The following CADM2 variants were observed in gnomAD, a reference collection of about 807,000 sequenced individuals.
CADM2 encodes the protein cell adhesion molecule 2.
In CADM2, 12 loss-of-function variants were observed where a neutral mutation model predicts 49.8. That is an observed-to-expected ratio of 0.24 (90% CI 0.15 to 0.39). The LOEUF is 0.39. Ranked by LOEUF, CADM2 falls within the 10% of genes least tolerant of loss-of-function variation. CADM2 has a pLI of 1.00. For synonymous variants in CADM2, 214 were observed against 175.4 expected (o/e 1.22, Z -1.74); for missense variants, 378 against 492.3 (o/e 0.77, Z 2.20).
At chr3:86,042,421 C>A (rs985111114) in intron 8 of CADM2, among the ~76,000 whole-genome samples, 3 of 152,152 alleles carry the variant, frequency 2.0e-5, no homozygotes, top group African/African-American at 7.2e-5. Context: ...CACAGAAATA[C>A]AAACTACCAT....
chr3:85,448,431 G>T (rs948430156), intron 1 of CADM2, among the ~76,000 whole-genome samples: 2 of 151,182 alleles, frequency 1.3e-5, no homozygotes. Flanking sequence ...TATTTAAATC[G>T]TTGTTCTGCA....
chr3:85,239,883 T>G (rs527861192), intron 1 of CADM2, among the ~76,000 whole-genome samples: 1 of 151,558 alleles, frequency 6.6e-6, no homozygotes, highest in South Asian at 2.1e-4. Flanking sequence ...ACACTGAAAT[T>G]TATGAGCTGG....
intron 1 of CADM2, among the ~76,000 whole-genome samples, chr3:85,436,727 A>C (rs1175631757): frequency 6.6e-6 from 1 of 152,204 alleles, no homozygotes; most frequent in Non-Finnish European, 1.5e-5. Flanking sequence ...TTATAGCAAA[A>C]ATAAGCAGAA....
intron 1 of CADM2, among the ~76,000 whole-genome samples, chr3:85,672,866 G>A (rs2107637871): frequency 6.6e-6 from 1 of 152,266 alleles, no homozygotes; most frequent in Admixed American, 6.5e-5. Context: ...CATCTAAATT[G>A]AATCTGATTT....
At chr3:85,461,350 A>T (rs1251807591) in intron 1 of CADM2, among the ~76,000 whole-genome samples, 1 of 152,134 alleles carries the variant, frequency 6.6e-6, no homozygotes, top group African/African-American at 2.4e-5. Flanking sequence ...TTAGGAGGAG[A>T]GGTAGTGAGG....
At chr3:85,966,673 A>G (rs1725516428) in intron 8 of CADM2, among the ~76,000 whole-genome samples, 1 of 151,658 alleles carries the variant, frequency 6.6e-6, no homozygotes, top group Non-Finnish European at 1.5e-5. Flanking sequence ...CTATATAGTA[A>G]GTTAGAATCA....
chr3:86,010,672 A>G (rs1478294376), intron 8 of CADM2, among the ~76,000 whole-genome samples: 1 of 151,384 alleles, frequency 6.6e-6, no homozygotes. Flanking sequence ...AAGAAAAAAT[A>G]ATGAAAAATT....
In CADM2 at chr3:85,769,229, CACATATACACATATATACATATATA is replaced by C. The variant is rs1208017367; in HGVS notation, c.89-32817_89-32793del. ...TATATACATATATAGTATATATACA[CACATATACACATATATACATATATA>C]GTATATATACACATATATACATATA... On this transcript the variant is annotated intron_variant, in intron 2 of 9. Coordinates refer to ENST00000383699, the MANE Select transcript of CADM2 (RefSeq NM_001167675.2). Among the ~76,000 whole-genome samples, 39 of 113,466 alleles carry C rather than the reference CACATATACACATATATACATATATA, an allele frequency of 3.4e-4. 2 individuals are homozygous for C. The highest frequency in any genetic ancestry group is 1.5e-3 in the African/African-American group (36 of 24,458). The allele number at this position is 113,466 out of a possible 152,430, so 74.4% of individuals were successfully genotyped here.
At chr3:85,885,833 C>A (rs1234149230) in intron 4 of CADM2, among the ~76,000 whole-genome samples, 3 of 110,470 alleles carry the variant, frequency 2.7e-5, no homozygotes, top group Admixed American at 1.2e-4. Context: ...TCCTGGGCGA[C>A]AGAGCAAGAT....
At chr3:85,062,095 C>T (rs1169366059) in intron 1 of CADM2, among the ~76,000 whole-genome samples, 5 of 152,050 alleles carry the variant, frequency 3.3e-5, no homozygotes, top group Middle Eastern at 3.4e-3. Flanking sequence ...CACGCACACA[C>T]ACACACACAA....
intron 1 of CADM2, among the ~76,000 whole-genome samples, chr3:85,233,679 T>A (rs867591173): frequency 6.6e-6 from 1 of 152,164 alleles, no homozygotes; most frequent in East Asian, 1.9e-4. Flanking sequence ...TTGAAATTGA[T>A]AAGCAGCAGA....
intron 4 of CADM2, 128 bp from the exon 5 acceptor site, chr3:85,886,062 T>A: frequency 7.3e-7 from 1 of 1,376,442 alleles, no homozygotes; most frequent in Admixed American, 2.4e-5. Flanking sequence ...TACATAGTAG[T>A]TTGTTCATCT....
At chr3:86,041,630 A>G (rs1015470816) in intron 8 of CADM2, among the ~76,000 whole-genome samples, 1 of 152,122 alleles carries the variant, frequency 6.6e-6, no homozygotes, top group African/African-American at 2.4e-5. Context: ...CACAATAATA[A>G]TGGGAGACTT....
chr3:86,058,826 G>T (rs1475343095), intron 8 of CADM2, among the ~76,000 whole-genome samples: 1 of 151,624 alleles, frequency 6.6e-6, no homozygotes, highest in Non-Finnish European at 1.5e-5. Flanking sequence ...AGACGCAGTG[G>T]CTCACACCTG....
At position 84,998,355 on chromosome 3, in the gene CADM2, A is replaced by G. The variant is rs530238825; in HGVS notation, c.61+38687A>G. ...TTTTCCTGCCAGTTTTAATATAGCA[A>G]ATATGTTCTCCGGAGCAAGTAATTC... On this transcript the variant is annotated intron_variant, in intron 1 of 9. Coordinates refer to ENST00000383699, the MANE Select transcript of CADM2 (RefSeq NM_001167675.2). Among the ~76,000 whole-genome samples, 10 of 152,226 alleles carry G rather than the reference A, an allele frequency of 6.6e-5. No homozygotes were observed. In the East Asian group the frequency reaches 1.9e-3, roughly 29 times the overall value.
intron 1 of CADM2, among the ~76,000 whole-genome samples, chr3:85,138,952 T>A (rs2039498317): frequency 6.6e-6 from 1 of 152,120 alleles, no homozygotes; most frequent in South Asian, 2.1e-4. Flanking sequence ...AAGGGGAAGT[T>A]GAAAAATGGT....
chr3:85,480,622 C>A (rs566597490), intron 1 of CADM2, among the ~76,000 whole-genome samples: 1 of 151,940 alleles, frequency 6.6e-6, no homozygotes, highest in Admixed American at 6.6e-5. Context: ...CTGGCCATAA[C>A]CTTTGAGTAT....
At chr3:85,838,661 A>G (rs1170176026) in intron 3 of CADM2, among the ~76,000 whole-genome samples, 1 of 151,726 alleles carries the variant, frequency 6.6e-6, no homozygotes, top group African/African-American at 2.4e-5. Flanking sequence ...AGTGAGTTTG[A>G]TATGCAGCCA....
chr3:85,208,161 G>T (rs2041696393), intron 1 of CADM2, among the ~76,000 whole-genome samples: 1 of 152,096 alleles, frequency 6.6e-6, no homozygotes, highest in Non-Finnish European at 1.5e-5. Flanking sequence ...TGATATGATT[G>T]AGTTTTGAGT....
Sources: gnomAD v4.1 joint callset for allele counts (sites outside exome capture counted in the v4.1 genomes callset) on GRCh38, gnomAD v4.1.1 for gene constraint, MANE v1.5 for transcripts, NCBI Gene and HGNC (gene_info 2026-07-23, HGNC 2026-07-21) for gene names.